Variants in ZNF557 observed in about 807,000 individuals in gnomAD.
The protein encoded by ZNF557 is CTB-25J19.9.
Under a neutral mutation model 21.2 loss-of-function variants are expected in ZNF557, and 19 were observed. The ratio of observed to expected loss-of-function variants is 0.90; its 90% CI spans 0.63 to 1.32. The LOEUF is 1.32. Ranked by LOEUF, ZNF557 falls within the 40% of genes most tolerant of loss-of-function variation. The pLI, the probability that ZNF557 is intolerant of heterozygous loss-of-function variation, is 0.00. For synonymous variants in ZNF557, 207 were observed against 194.8 expected (o/e 1.06, Z -0.52); for missense variants, 487 against 519.8 (o/e 0.94, Z 0.61).
rs544710947 is a variant in ZNF557 at position 7,074,322 on chromosome 19, G to A, written c.-79-674G>A. On this transcript the variant is annotated intron_variant, in intron 2 of 7. Coordinates refer to ENST00000252840, the MANE Select transcript of ZNF557 (RefSeq NM_024341.3). The stretch of plus-strand genomic sequence containing the variant: ...CGCCTGGCCAGCCGCTTTCATCTTT[G>A]TGTGTATATACACACACACACACAC... Among the ~76,000 whole-genome samples, 25 of 39,790 alleles carry A rather than the reference G, an allele frequency of 6.3e-4. 1 individual carries two copies. Among genetic ancestry groups the A allele is most frequent in the African/African-American group, 2.4e-3 (24 of 10,002 alleles). 26.1% of individuals were successfully genotyped at this position (39,790 alleles called of 152,430 possible). A position where few individuals can be genotyped will look rare whatever the true frequency, so the allele number is the denominator to read the frequency against.
In ZNF557 at chr19:7,087,794, T is replaced by G. The variant is rs1043182821; in HGVS notation, c.*4050T>G. On this transcript the variant is annotated 3_prime_UTR_variant, in exon 8 of 8. Coordinates refer to ENST00000252840, the MANE Select transcript of ZNF557 (RefSeq NM_024341.3). ...GTTAATCCTGTTTATTGATCTGTTT[T>G]TATAAGTGCTCCATGATTCTCTGAA... is the stretch of plus-strand genomic sequence containing the variant. 1.3e-5 allele frequency: 2 copies of G among 152,062 alleles called. No individual in the cohort carries two copies. Among genetic ancestry groups the G allele is most frequent in the Non-Finnish European group, 2.9e-5 (2 of 68,022 alleles). The allele number at this position is 152,062 out of a possible 1,614,324, so 9.4% of individuals were successfully genotyped here.
intron 5 of ZNF557, among the ~76,000 whole-genome samples, chr19:7,080,023 C>T (rs529916180): frequency 8.5e-5 from 13 of 152,136 alleles, no homozygotes; most frequent in South Asian, 4.2e-4. Flanking sequence ...GTGTGGAGGC[C>T]GGGCGCAGTG....
In ZNF557 at chr19:7,083,240, G is replaced by A. The variant is rs746090376; in HGVS notation, c.789G>A (p.Pro263=). Residue 263 remains proline (P), a synonymous_variant, in exon 8 of 8, where the codon CCG becomes CCA. Transcript: ENST00000252840. ...TGAGAATTCACACTGGAGAAAAACC[G>A]TACAAATGTAACCAGTGTTTTCGTG... ...PHLRIHTGEK[P]YKCNQCFREF... The A allele has an allele frequency of 1.7e-5, 27 of 1,614,014 alleles. No individual in the cohort carries two copies. The highest frequency in any genetic ancestry group is 1.0e-4 in the Admixed American group (6 of 59,988).
chr19:7,075,545 CTG>C (rs537172593), intron 3 of ZNF557, 108 bp from the exon 4 acceptor site: 1 of 1,027,300 alleles, frequency 9.7e-7, no homozygotes, highest in South Asian at 1.5e-5. Context: ...TTGTGGGTGA[CTG>C]TGTATGCATG....
chr19:7,082,347 C>G (rs1977728289), intron 7 of ZNF557, among the ~76,000 whole-genome samples: 1 of 143,476 alleles, frequency 7.0e-6, no homozygotes, highest in African/African-American at 2.6e-5. Flanking sequence ...CACTTGAACC[C>G]TGGAGGTGGA....
chr19:7,081,513 AGT>A, intron 6 of ZNF557, 58 bp downstream of exon 6: 5 of 1,138,732 alleles, frequency 4.4e-6, no homozygotes, highest in Non-Finnish European at 6.6e-6. Context: ...GGGACTGAGA[AGT>A]TGGGAGTATT....
At chr19:7,080,857 G>C (rs1293539814) in intron 5 of ZNF557, among the ~76,000 whole-genome samples, 1 of 152,148 alleles carries the variant, frequency 6.6e-6, no homozygotes, top group Non-Finnish European at 1.5e-5. Flanking sequence ...TGGAGTTGTG[G>C]AGTTCCCTAC....
chr19:7,075,760 T>G lies in ZNF557; in HGVS notation c.120+17T>G. On this transcript the variant is annotated intron_variant, in intron 4 of 7. Transcript: ENST00000252840. ...TGGCTAAAGGTGAGTCGGATGTTCC[T>G]TTTTCCAAATCATGATTCCTTCAGC... The G allele has an allele frequency of 6.2e-7, 1 of 1,607,068 alleles. No individual in the cohort carries two copies. Among genetic ancestry groups the G allele is most frequent in the Non-Finnish European group, 8.5e-7 (1 of 1,175,334 alleles).
In ZNF557 at chr19:7,084,281, T is replaced by TGAAC. The variant is rs1977785601; in HGVS notation, c.*538_*541dup. 3 of 154,274 alleles carry TGAAC rather than the reference T, an allele frequency of 1.9e-5. No individual in the cohort carries two copies. The highest frequency in any genetic ancestry group is 7.2e-5 in the African/African-American group (3 of 41,440). 9.6% of individuals were successfully genotyped at this position (154,274 alleles called of 1,614,324 possible). ...ATGTGGAAGAACACCACAGGAGGTA[T>TGAAC]GAACAGTAGACATTTGGAACCATCT... is the stretch of plus-strand genomic sequence containing the variant. On this transcript the variant is annotated 3_prime_UTR_variant, in exon 8 of 8. Coordinates refer to ENST00000252840, the MANE Select transcript of ZNF557 (RefSeq NM_024341.3).
intron 5 of ZNF557, among the ~76,000 whole-genome samples, chr19:7,078,164 T>C (rs1165956178): frequency 1.3e-5 from 2 of 152,222 alleles, no homozygotes; most frequent in African/African-American, 4.8e-5. Context: ...TATTTTTCTT[T>C]CAGTACTTGG....
chr19:7,072,203 C>T (rs1253932051), intron 2 of ZNF557, among the ~76,000 whole-genome samples: 4 of 151,374 alleles, frequency 2.6e-5, no homozygotes, highest in Admixed American at 2.0e-4. Context: ...GTGGGCAGAT[C>T]GCCTGAGGTC....
intron 6 of ZNF557, 150 bp downstream of exon 6, chr19:7,081,605 C>T: frequency 8.0e-6 from 5 of 624,026 alleles, no homozygotes; most frequent in Non-Finnish European, 5.6e-6. Flanking sequence ...TTGGTCTGAG[C>T]CCCCTCATGT....
rs191124884 is a variant in ZNF557 at position 7,078,505 on chromosome 19, A to C, written c.247+1998A>C. 1.4e-3 allele frequency among the ~76,000 whole-genome samples: 202 copies of C among 148,406 alleles called. 5 individuals are homozygous for C. The East Asian group carries it at 0.028, about 21-fold the overall frequency. On this transcript the variant is annotated intron_variant, in intron 5 of 7. Transcript: ENST00000252840. ...GAGTGCACTGGCACGATCTCAGCTC[A>C]CTGCAACCTCTGCCTCCTGGGTTCA...
Position 7,083,115 on chromosome 19 carries a change from T to TA in ZNF557, c.665dup (p.Tyr222Ter). The TA allele has an allele frequency of 2.5e-6, 4 of 1,614,170 alleles. No homozygotes were observed. The highest frequency in any genetic ancestry group is 2.2e-5 in the East Asian group (1 of 44,878). The change falls in exon 8 of 8, where the codon TAC becomes TAAC. Residue 222 changes from tyrosine to a stop codon, truncating the protein, a stop_gained and frameshift_variant. Coordinates refer to ENST00000252840, the MANE Select transcript of ZNF557 (RefSeq NM_024341.3). LOFTEE classifies it low-confidence loss of function (END_TRUNC). ...DCGKTFSSRS[Y>*]LTVHKRIHNG... ...TGGGAAAACCTTCAGCAGCAGATCT[T>TA]ACCTTACTGTTCATAAGAGAATCCA...
rs750266805 is a variant in ZNF557, at chr19:7,083,177, G to A, written c.726G>A (p.Gly242=). The change falls in exon 8 of 8, where the codon GGG becomes GGA. Residue 242 remains glycine, a synonymous_variant. Transcript: ENST00000252840. ...GEKPYECSDC[G]KTFSNSSYLR... ...AACCCTACGAATGCAGTGACTGTGG[G>A]AAAACCTTCAGCAATTCCTCATACC... The A allele has an allele frequency of 2.0e-5, 33 of 1,614,054 alleles. No homozygotes were observed. The Admixed American group carries it at 5.3e-4, about 26-fold the overall frequency.
At chr19:7,075,187 C>T in intron 3 of ZNF557, 82 bp downstream of exon 3, 1 of 1,596,568 alleles carries the variant, frequency 6.3e-7, no homozygotes. Flanking sequence ...GGGGGTTGGG[C>T]AGAGCAGGTG....
rs982024580 is a variant in ZNF557 at position 7,081,148 on chromosome 19, GGGGTGTGT to G, written c.248-210_248-203del. On this transcript the variant is annotated intron_variant, in intron 5 of 7. Transcript: ENST00000252840. ...TGCAACCACCCTAGATATTGCTTGT[GGGGTGTGT>G]GTGTGTGTGTGTGTGTGTGTGTGTG... Among the ~76,000 whole-genome samples the G allele has an allele frequency of 3.9e-4, 53 of 136,674 alleles. No homozygotes were observed. In the East Asian group the frequency reaches 9.5e-3, roughly 24 times the overall value. 89.7% of individuals were successfully genotyped at this position (136,674 alleles called of 152,430 possible). A position where few individuals can be genotyped will look rare whatever the true frequency, so the allele number is the denominator to read the frequency against.
In ZNF557 at chr19:7,082,663, CTG is replaced by C. The variant is rs1169089958; in HGVS notation, c.427-212_427-211del. Among the ~76,000 whole-genome samples, 5 of 152,202 alleles carry C rather than the reference CTG, an allele frequency of 3.3e-5. No individual in the cohort carries two copies. The South Asian group carries it at 1.0e-3, about 32-fold the overall frequency. ...TAGCCTTAAATTTATCAAAAATACT[CTG>C]TGAATATGATAAAGATTTGTAGAAA... On this transcript the variant is annotated intron_variant, in intron 7 of 7. Transcript: ENST00000252840.
rs1267165372 is a variant in ZNF557 at position 7,076,656 on chromosome 19, G to A, written c.247+149G>A. On this transcript the variant is annotated intron_variant, in intron 5 of 7. Transcript: ENST00000252840. ...TTTGGTGGCTTTTCGTAGGTTCACA[G>A]TGTAGTACAGCCATCACCACTAATT... is the stretch of plus-strand genomic sequence containing the variant. 4 of 1,161,780 alleles carry A rather than the reference G, an allele frequency of 3.4e-6. No individual in the cohort carries two copies. The South Asian group carries it at 6.5e-5, about 19-fold the overall frequency. The allele number at this position is 1,161,780 out of a possible 1,614,324, so 72.0% of individuals were successfully genotyped here. A position where few individuals can be genotyped will look rare whatever the true frequency, so the allele number is the denominator to read the frequency against.
Sources: allele counts gnomAD v4.1 joint callset (sites outside exome capture counted in the v4.1 genomes callset), GRCh38; gene constraint gnomAD v4.1.1; transcripts MANE v1.5; gene names NCBI Gene and HGNC (gene_info 2026-07-23, HGNC 2026-07-21).